The following ADK variants were observed in gnomAD, a reference collection of about 807,000 sequenced individuals.
ADK encodes the protein adenosine kinase, also known as N6,N6-dimethyladenosine kinase.
ADK carries 24 observed loss-of-function variants against 44.7 expected under a neutral mutation model. That is an observed-to-expected ratio of 0.54 (90% CI 0.39 to 0.76). The LOEUF (loss-of-function observed/expected upper bound fraction) is 0.76, where lower values mean the gene tolerates loss of function less well. ADK is among the 30% of genes least tolerant of loss of function. The pLI, the probability that ADK is intolerant of heterozygous loss-of-function variation, is 0.00. For synonymous variants in ADK, 128 were observed against 142.6 expected (o/e 0.90, Z 0.73); for missense variants, 321 against 425.1 (o/e 0.76, Z 2.15).
chr10:74,176,839 C>G, intron 1 of ADK: 2 of 1,606,194 alleles, frequency 1.2e-6, no homozygotes, highest in Non-Finnish European at 1.7e-6. Flanking sequence ...GCATCGGACG[C>G]GGGCGCCGTG....
At chr10:74,298,848 A>T (rs560967518) in intron 3 of ADK, among the ~76,000 whole-genome samples, 1 of 152,184 alleles carries the variant, frequency 6.6e-6, no homozygotes, top group South Asian at 2.1e-4. Context: ...GGAGGCTGAG[A>T]TGGGAGGATC....
At chr10:74,648,532 G>A (rs980614094) in intron 9 of ADK, among the ~76,000 whole-genome samples, 6 of 151,804 alleles carry the variant, frequency 4.0e-5, no homozygotes, top group African/African-American at 9.7e-5. Context: ...ACAAAAATTC[G>A]CTGGGCGTGG....
At chr10:74,176,755 G>A (rs886047234) in intron 1 of ADK, 1 of 1,549,094 alleles carries the variant, frequency 6.5e-7, no homozygotes, top group Non-Finnish European at 8.7e-7. Context: ...GTGTGAGGAC[G>A]CGCTCCCAGT....
intron 4 of ADK, 143 bp downstream of exon 4, chr10:74,314,888 C>A: frequency 1.5e-6 from 1 of 654,548 alleles, no homozygotes; most frequent in Non-Finnish European, 2.7e-6. Context: ...CATTGCACAT[C>A]TAATCAAAAG....
intron 3 of ADK, among the ~76,000 whole-genome samples, chr10:74,284,266 ATTTT>A (rs71021600): frequency 4.6e-5 from 6 of 129,300 alleles, no homozygotes; most frequent in Non-Finnish European, 6.7e-5. Context: ...GGCAAATTCT[ATTTT>A]TTTTTTTTTT....
chr10:74,220,354 G>A (rs1329156743), intron 2 of ADK, among the ~76,000 whole-genome samples: 1 of 152,100 alleles, frequency 6.6e-6, no homozygotes, highest in Non-Finnish European at 1.5e-5. Flanking sequence ...CCAATAACAG[G>A]CTCTGAAATT....
At chr10:74,648,094 A>G (rs1854118773) in intron 9 of ADK, among the ~76,000 whole-genome samples, 1 of 152,032 alleles carries the variant, frequency 6.6e-6, no homozygotes, top group South Asian at 2.1e-4. Context: ...ATATGTATAT[A>G]TATATACACA....
At chr10:74,676,983 A>T (rs1453487976) in intron 10 of ADK, among the ~76,000 whole-genome samples, 2 of 152,162 alleles carry the variant, frequency 1.3e-5, no homozygotes, top group African/African-American at 4.8e-5. Context: ...AGTGGCTCAC[A>T]CCTGTAATCC....
intron 4 of ADK, among the ~76,000 whole-genome samples, chr10:74,338,823 G>C (rs1323486178): frequency 1.3e-5 from 2 of 152,148 alleles, no homozygotes; most frequent in Admixed American, 1.3e-4. Context: ...GCTTCTTTGT[G>C]GTGATGGAAT....
At chr10:74,501,339 T>C (rs774059465) in intron 6 of ADK, among the ~76,000 whole-genome samples, 10 of 152,180 alleles carry the variant, frequency 6.6e-5, no homozygotes, top group Non-Finnish European at 1.2e-4. Flanking sequence ...CAGAGCCTGA[T>C]CCATGTATTT....
intron 6 of ADK, among the ~76,000 whole-genome samples, chr10:74,416,883 A>G (rs1321421319): frequency 1.3e-5 from 2 of 152,094 alleles, no homozygotes; most frequent in Admixed American, 6.5e-5. Flanking sequence ...TACACATATA[A>G]TAAAGTAAAT....
intron 8 of ADK, among the ~76,000 whole-genome samples, chr10:74,600,012 G>A (rs571784987): frequency 6.6e-6 from 1 of 152,136 alleles, no homozygotes; most frequent in Admixed American, 6.5e-5. Flanking sequence ...AATTTTTGAA[G>A]TATGATAATA....
At chr10:74,240,876 GA>G (rs1845181650) in intron 3 of ADK, among the ~76,000 whole-genome samples, 1 of 152,102 alleles carries the variant, frequency 6.6e-6, no homozygotes, top group Non-Finnish European at 1.5e-5. Flanking sequence ...CAGTTATTTG[GA>G]AAAATTAGTA....
intron 9 of ADK, among the ~76,000 whole-genome samples, chr10:74,656,581 T>G (rs1854496367): frequency 6.6e-6 from 1 of 152,080 alleles, no homozygotes; most frequent in Non-Finnish European, 1.5e-5. Flanking sequence ...GTCTGAGACT[T>G]AAGCATGGGG....
chr10:74,269,369 A>G (rs1000932248), intron 3 of ADK, among the ~76,000 whole-genome samples: 1 of 152,208 alleles, frequency 6.6e-6, no homozygotes, highest in African/African-American at 2.4e-5. Context: ...CTTATGGCAT[A>G]TTTAACTCTG....
chr10:74,401,028 A>T (rs1019979620), intron 6 of ADK, among the ~76,000 whole-genome samples: 2 of 152,204 alleles, frequency 1.3e-5, no homozygotes, highest in African/African-American at 4.8e-5. Context: ...AAGATCTTTT[A>T]AAATTTATTT....
At chr10:74,376,704 T>G (rs1004455651) in intron 4 of ADK, among the ~76,000 whole-genome samples, 2 of 152,058 alleles carry the variant, frequency 1.3e-5, no homozygotes, top group African/African-American at 4.8e-5. Flanking sequence ...TTTATTTGAA[T>G]CAGCATCTAA....
chr10:74,257,609 T>A (rs1302791166), intron 3 of ADK, among the ~76,000 whole-genome samples: 5 of 152,188 alleles, frequency 3.3e-5, no homozygotes. Context: ...AGTCTTTCTA[T>A]ATGACATTCT....
At position 74,685,832 on chromosome 10, in the gene ADK, C is replaced by T. The variant is rs183215509; in HGVS notation, c.964+15563C>T. 1.2e-4 allele frequency among the ~76,000 whole-genome samples: 19 copies of T among 152,134 alleles called. No individual in the cohort carries two copies. In the East Asian group the frequency reaches 3.7e-3, roughly 29 times the overall value. On this transcript the variant is annotated intron_variant, in intron 10 of 10. Coordinates refer to ENST00000539909, the MANE Select transcript of ADK (RefSeq NM_006721.4). ...TTTGAGCTTCAAGGCACTGTTTACT[C>T]TGACTCCTTCAGTCAAAAGGAGCAT...
Sources: gnomAD v4.1 joint callset for allele counts (sites outside exome capture counted in the v4.1 genomes callset) on GRCh38, gnomAD v4.1.1 for gene constraint, MANE v1.5 for transcripts, NCBI Gene and HGNC (gene_info 2026-07-23, HGNC 2026-07-21) for gene names.